The following CDKL5 variants were observed in gnomAD, a reference collection of about 807,000 sequenced individuals.
The protein encoded by CDKL5 is cyclin-dependent kinase-like 5.
CDKL5 carries 8 observed loss-of-function variants against 61.7 expected under a neutral mutation model. The ratio of observed to expected loss-of-function variants is 0.13; its 90% CI spans 0.08 to 0.23. The LOEUF (loss-of-function observed/expected upper bound fraction) is 0.23, where lower values mean the gene tolerates loss of function less well. CDKL5 is among the 10% of genes least tolerant of loss of function. The pLI, the probability that CDKL5 is intolerant of heterozygous loss-of-function variation, is 1.00. For synonymous variants in CDKL5, 275 were observed against 272.3 expected, an observed-to-expected ratio of 1.01 and a Z score of -0.10; for missense variants, 440 against 734.5, an observed-to-expected ratio of 0.60 and a Z score of 4.63.
chrX:18,543,253 C>A (rs1924085779), intron 3 of CDKL5, among the ~76,000 whole-genome samples: 1 of 109,912 alleles, frequency 9.1e-6, no homozygotes, highest in Non-Finnish European at 1.9e-5. Flanking sequence ...TGTTAGCCTA[C>A]CCTTTTCCTG....
chrX:18,478,204 T>C (rs1921390685), intron 1 of CDKL5, among the ~76,000 whole-genome samples: 1 of 105,547 alleles, frequency 9.5e-6, no homozygotes, highest in Non-Finnish European at 2.0e-5. Context: ...GGTTGACAAG[T>C]TTTTTTTTTT....
chrX:18,653,355 C>T, intron 21 of CDKL5: 7 of 1,178,245 alleles, frequency 5.9e-6, no homozygotes, highest in Non-Finnish European at 7.9e-6. Context: ...CGTGGGGGGC[C>T]CGGGCATTAG....
intron 6 of CDKL5, among the ~76,000 whole-genome samples, chrX:18,581,516 T>C (rs1925480710): frequency 8.9e-6 from 1 of 111,950 alleles, no homozygotes; most frequent in Non-Finnish European, 1.9e-5. Flanking sequence ...AAGTATCTTG[T>C]GGGTGTAAAC....
chrX:18,466,444 T>C (rs1281637977), intron 1 of CDKL5, among the ~76,000 whole-genome samples: 3 of 111,958 alleles, frequency 2.7e-5, no homozygotes, highest in Non-Finnish European at 3.8e-5. Context: ...TGAAAACTTA[T>C]CAGTAGTTTA....
At chrX:18,649,871 A>G (rs1218052760) in intron 20 of CDKL5, among the ~76,000 whole-genome samples, 3 of 112,093 alleles carry the variant, frequency 2.7e-5, no homozygotes, top group African/African-American at 9.7e-5. Context: ...GCACAAGGCC[A>G]GGTGGCAGGG....
rs761789190 is a variant in CDKL5 at position 18,609,527 on chromosome X, A to T, written c.2109A>T (p.Leu703=). The change falls in exon 14 of 18, where the codon CTA becomes CTT. Residue 703 remains leucine (L), a synonymous_variant. Coordinates refer to ENST00000623535, the MANE Select transcript of CDKL5 (RefSeq NM_001323289.2). ...DGTAPKENRH[L]YNDPVPRRVG... is the part of the protein sequence containing the mutation. The stretch of plus-strand genomic sequence containing the variant: ...CAGCCCCCAAAGAAAATAGACACCT[A>T]TACAATGATCCTGTGCCAAGGAGAG... 6 of 1,210,174 alleles carry T rather than the reference A, an allele frequency of 5.0e-6. No homozygotes were observed. Among genetic ancestry groups the T allele is most frequent in the Admixed American group, 4.4e-5 (2 of 45,843 alleles).
intron 3 of CDKL5, among the ~76,000 whole-genome samples, chrX:18,530,416 C>T (rs746571599): frequency 1.8e-5 from 2 of 110,352 alleles, no homozygotes; most frequent in Non-Finnish European, 1.9e-5. Context: ...ACATATCTTA[C>T]AGCCTAGTGA....
rs781064839 is a variant in CDKL5 at position 18,611,114 on chromosome X, G to A, written c.2152+1544G>A. Reference sequence around the variant, plus strand: ...ATTGATTGAATATGCCATTTTTCCTGATACCATGATTACGCTTTAGTATTT... The same window carrying A: ...ATTGATTGAATATGCCATTTTTCCTAATACCATGATTACGCTTTAGTATTT... On this transcript the variant is annotated intron_variant, in intron 14 of 17. Coordinates refer to ENST00000623535, the MANE Select transcript of CDKL5 (RefSeq NM_001323289.2). Among the ~76,000 whole-genome samples, 9 of 111,564 alleles carry A rather than the reference G, an allele frequency of 8.1e-5. 1 individual carries two copies. The South Asian group carries it at 3.4e-3, about 42-fold the overall frequency.
At chrX:18,545,601 G>T (rs185255407) in intron 3 of CDKL5, among the ~76,000 whole-genome samples, 1 of 111,928 alleles carries the variant, frequency 8.9e-6, no homozygotes, top group South Asian at 3.7e-4. Context: ...AAGTTTTTTC[G>T]TTCATTTGAA....
At position 18,587,935 on chromosome X, in the gene CDKL5, C is replaced by T. The variant is rs75057928; in HGVS notation, c.555-19C>T. ...ATATTTTTTCAGTTGCCAAAATAAT[C>T]TCTTCCTTTATTTTTCAGCGCTCCC... On this transcript the variant is annotated intron_variant, in intron 8 of 17. Coordinates refer to ENST00000623535, the MANE Select transcript of CDKL5 (RefSeq NM_001323289.2). The T allele has an allele frequency of 8.4e-7, 1 of 1,195,703 alleles. No individual in the cohort carries two copies. The highest frequency in any genetic ancestry group is 2.2e-5 in the Admixed American group (1 of 45,969).
rs1158199808 is a variant in CDKL5, at chrX:18,635,430, T to C, written c.*6673T>C. ...GCCAGGCCGTCCCAATCTTGAGCACTGTGGTCCTTCGTGTTTGAACTGCGA... is the reference window on the plus strand; with the variant it reads ...GCCAGGCCGTCCCAATCTTGAGCACCGTGGTCCTTCGTGTTTGAACTGCGA... On this transcript the variant is annotated 3_prime_UTR_variant, in exon 18 of 18. Coordinates refer to ENST00000623535, the MANE Select transcript of CDKL5 (RefSeq NM_001323289.2). 3 of 752,577 alleles carry C rather than the reference T, an allele frequency of 4.0e-6. No homozygotes were observed. Among genetic ancestry groups the C allele is most frequent in the African/African-American group, 4.6e-5 (2 of 43,261 alleles). The allele number at this position is 752,577 out of a possible 1,213,427, so 62.0% of individuals were successfully genotyped here.
At chrX:18,641,811 G>T, downstream of CDKL5, 1 of 440,716 alleles carries the variant, frequency 2.3e-6, no homozygotes, top group Non-Finnish European at 3.9e-6. Context: ...GCCCTGAGTG[G>T]GGAATAAGTT....
At chrX:18,490,379 A>C (rs1178170430) in intron 1 of CDKL5, among the ~76,000 whole-genome samples, 3 of 110,617 alleles carry the variant, frequency 2.7e-5, no homozygotes, top group African/African-American at 9.9e-5. Flanking sequence ...TGAGTCCTTA[A>C]ACCTGTGGAT....
chrX:18,585,140 T>TCC (rs778032578), intron 8 of CDKL5, among the ~76,000 whole-genome samples: 1 of 112,040 alleles, frequency 8.9e-6, no homozygotes, highest in East Asian at 2.8e-4. Flanking sequence ...ACGCCTGTAA[T>TCC]CCCAGCACTT....
intron 1 of CDKL5, among the ~76,000 whole-genome samples, chrX:18,450,731 C>T (rs1011868900): frequency 5.4e-5 from 6 of 111,183 alleles, no homozygotes; most frequent in South Asian, 3.8e-4. Flanking sequence ...TCCGCCACCA[C>T]GCCCGGTGTT....
At chrX:18,585,847 G>A (rs952084149) in intron 8 of CDKL5, among the ~76,000 whole-genome samples, 1 of 111,716 alleles carries the variant, frequency 9.0e-6, no homozygotes, top group Non-Finnish European at 1.9e-5. Context: ...CATGCCATAC[G>A]TGTATCTGGG....
At chrX:18,464,468 T>C (rs1446561662) in intron 1 of CDKL5, among the ~76,000 whole-genome samples, 1 of 111,972 alleles carries the variant, frequency 8.9e-6, no homozygotes, top group Non-Finnish European at 1.9e-5. Flanking sequence ...TTTGGGTGTT[T>C]ATATTATACT....
intron 11 of CDKL5, 124 bp from the exon 12 acceptor site, chrX:18,603,778 G>T (rs1926249323): frequency 1.2e-6 from 1 of 842,776 alleles, no homozygotes. Flanking sequence ...GAAGGCACAT[G>T]CTTGAGAGAA....
intron 1 of CDKL5, among the ~76,000 whole-genome samples, chrX:18,459,996 C>T (rs1778848697): frequency 9.1e-6 from 1 of 110,425 alleles, no homozygotes; most frequent in Non-Finnish European, 1.9e-5. Flanking sequence ...CCCCAGCCTC[C>T]CGAGTAGCTG....
Sources: gnomAD v4.1 joint callset for allele counts (sites outside exome capture counted in the v4.1 genomes callset) on GRCh38, gnomAD v4.1.1 for gene constraint, MANE v1.5 for transcripts, NCBI Gene and HGNC (gene_info 2026-07-23, HGNC 2026-07-21) for gene names.